The following CNTN6 variants were observed in gnomAD, a reference collection of about 807,000 sequenced individuals.
The protein encoded by CNTN6 is contactin-6.
CNTN6 carries 137 observed loss-of-function variants against 122.8 expected under a neutral mutation model. The ratio of observed to expected loss-of-function variants is 1.12; its 90% confidence interval spans 0.97 to 1.29. The LOEUF (loss-of-function observed/expected upper bound fraction) is 1.29. CNTN6 is among the 50% of genes most tolerant of loss of function. CNTN6 has a pLI of 0.00. For synonymous variants in CNTN6, 570 were observed against 426.0 expected (o/e 1.34, Z -4.16); for missense variants, 1,634 against 1,223.4 (o/e 1.34, Z -5.01).
At chr3:1,367,912 C>G (rs530057830) in intron 12 of CNTN6, among the ~76,000 whole-genome samples, 6 of 152,150 alleles carry the variant, frequency 3.9e-5, no homozygotes, top group African/African-American at 1.2e-4. Context: ...CTTGCCCATA[C>G]CTCGCCGGAG....
At chr3:1,365,290 C>T (rs563151438) in intron 12 of CNTN6, among the ~76,000 whole-genome samples, 2 of 152,096 alleles carry the variant, frequency 1.3e-5, no homozygotes, top group South Asian at 4.1e-4. Flanking sequence ...CAGAATGTAT[C>T]TTTAAAAGAT....
At chr3:1,278,027 T>C (rs1055787797) in intron 4 of CNTN6, among the ~76,000 whole-genome samples, 2 of 152,212 alleles carry the variant, frequency 1.3e-5, no homozygotes, top group Non-Finnish European at 2.9e-5. Context: ...CACTTTAAAA[T>C]GGCAACCATT....
At chr3:1,306,794 G>A in intron 7 of CNTN6, among the ~76,000 whole-genome samples, 1 of 152,022 alleles carries the variant, frequency 6.6e-6, no homozygotes. Flanking sequence ...TGACTGAGGA[G>A]GTAAAAAGGA....
chr3:1,251,473 A>T (rs2125668090), intron 4 of CNTN6, among the ~76,000 whole-genome samples: 1 of 152,158 alleles, frequency 6.6e-6, no homozygotes, highest in African/African-American at 2.4e-5. Context: ...TTAACTTTTA[A>T]CTCACTTGCT....
intron 7 of CNTN6, among the ~76,000 whole-genome samples, chr3:1,315,394 G>A (rs1238421518): frequency 1.3e-5 from 2 of 151,924 alleles, no homozygotes; most frequent in African/African-American, 4.8e-5. Context: ...GAATTAGAAG[G>A]TAGATCACAA....
In CNTN6 at chr3:1,400,095, C is replaced by G. The variant is rs78983939; in HGVS notation, c.2705-1338C>G. Among the ~76,000 whole-genome samples the G allele has an allele frequency of 5.9e-3, 905 of 152,144 alleles. 2 individuals are homozygous for G. Among genetic ancestry groups the G allele is most frequent in the Non-Finnish European group, 9.2e-3 (623 of 67,948 alleles). The stretch of plus-strand genomic sequence containing the variant: ...AGATTAAACAGCAGTTGACTCAAAA[C>G]TATGAAAGAAATAGTTTCCACTTCT... On this transcript the variant is annotated intron_variant, in intron 20 of 22. Coordinates refer to ENST00000446702, the MANE Select transcript of CNTN6 (RefSeq NM_001289080.2).
intron 12 of CNTN6, among the ~76,000 whole-genome samples, chr3:1,353,070 C>A (rs886215700): frequency 3.3e-5 from 5 of 151,686 alleles, no homozygotes; most frequent in Non-Finnish European, 7.4e-5. Flanking sequence ...AATGTTCCTA[C>A]ATTTATCACC....
chr3:1,264,039 A>G (rs2094889007), intron 4 of CNTN6, among the ~76,000 whole-genome samples: 1 of 152,068 alleles, frequency 6.6e-6, no homozygotes, highest in African/African-American at 2.4e-5. Context: ...AAAAACAGGA[A>G]AATAAAATGG....
intron 12 of CNTN6, among the ~76,000 whole-genome samples, chr3:1,365,980 A>C (rs906416137): frequency 6.6e-6 from 1 of 152,156 alleles, no homozygotes; most frequent in Non-Finnish European, 1.5e-5. Context: ...TCAAGTTTTA[A>C]AAACTAAGGG....
At chr3:1,237,020 G>C (rs377176591) in intron 4 of CNTN6, among the ~76,000 whole-genome samples, 1 of 151,926 alleles carries the variant, frequency 6.6e-6, no homozygotes. Context: ...GGCAGAGCTT[G>C]CAGTGAGCTG....
intron 7 of CNTN6, among the ~76,000 whole-genome samples, chr3:1,318,744 CCAGT>C (rs1235204600): frequency 2.6e-5 from 4 of 151,720 alleles, no homozygotes; most frequent in African/African-American, 9.7e-5. Context: ...ACCCTAGAAG[CCAGT>C]CATTTATTGG....
At chr3:1,293,832 C>T (rs574620671) in intron 5 of CNTN6, among the ~76,000 whole-genome samples, 1 of 152,294 alleles carries the variant, frequency 6.6e-6, no homozygotes, top group East Asian at 1.9e-4. Flanking sequence ...TAGTTCTACT[C>T]TACCTAGTTT....
chr3:1,119,909 A>G (rs1424242861), intron 1 of CNTN6, among the ~76,000 whole-genome samples: 1 of 152,106 alleles, frequency 6.6e-6, no homozygotes, highest in Non-Finnish European at 1.5e-5. Flanking sequence ...TCTTGCCTAC[A>G]ATGACTGATC....
rs200038869 is a variant in CNTN6 at position 1,329,838 on chromosome 3, G to A, written c.1267G>A (p.Val423Ile). 1.2e-6 allele frequency: 2 copies of A among 1,610,680 alleles called. No homozygotes were observed. Among genetic ancestry groups the A allele is most frequent in the Non-Finnish European group, 8.5e-7 (1 of 1,178,064 alleles). The part of the protein sequence containing the change: ...SPVKKKSFVQ[V>I]GGDIVIGCKP... Reference sequence around the variant, plus strand: ...AGTTAAAAAAAAGTCTTTTGTTCAAGTTGGTGGGGATATTGTTATCGGATG... The same window carrying A: ...AGTTAAAAAAAAGTCTTTTGTTCAAATTGGTGGGGATATTGTTATCGGATG... Residue 423 changes from valine to isoleucine, a missense_variant, in exon 11 of 23, where the codon GTT becomes ATT. Transcript: ENST00000446702.
chr3:1,257,746 G>A (rs555436094), intron 4 of CNTN6, among the ~76,000 whole-genome samples: 4 of 152,204 alleles, frequency 2.6e-5, no homozygotes, highest in South Asian at 2.1e-4. Flanking sequence ...TGGTGAGAGC[G>A]AGCTATTCTA....
intron 17 of CNTN6, among the ~76,000 whole-genome samples, chr3:1,378,553 T>C (rs565165466): frequency 2.2e-4 from 34 of 152,168 alleles, no homozygotes; most frequent in Non-Finnish European, 4.9e-4. Flanking sequence ...TGAACACTTG[T>C]TGAATGGAAG....
intron 1 of CNTN6, among the ~76,000 whole-genome samples, chr3:1,119,989 G>A (rs779876121): frequency 1.9e-4 from 29 of 151,860 alleles, no homozygotes; most frequent in Non-Finnish European, 3.1e-4. Context: ...CATGTAGTAC[G>A]GTGCTTTATG....
chr3:1,369,625 T>G (rs1708710388), intron 12 of CNTN6, among the ~76,000 whole-genome samples: 1 of 152,202 alleles, frequency 6.6e-6, no homozygotes, highest in Admixed American at 6.5e-5. Context: ...TGTGGTGTCA[T>G]AAATGGAAGG....
rs576264169 is a variant in CNTN6 at position 1,261,932 on chromosome 3, A to G, written c.359-16481A>G. 1.6e-4 allele frequency among the ~76,000 whole-genome samples: 25 copies of G among 152,268 alleles called. No individual in the cohort carries two copies. In the South Asian group the frequency reaches 4.8e-3, roughly 29 times the overall value. Reference sequence around the variant, plus strand: ...CCGTATACTTGGCCCTAGTATTTCTATGAGTAAATAGGTTAGTTTTTAGTT... The same window carrying G: ...CCGTATACTTGGCCCTAGTATTTCTGTGAGTAAATAGGTTAGTTTTTAGTT... On this transcript the variant is annotated intron_variant, in intron 4 of 22. Coordinates refer to ENST00000446702, the MANE Select transcript of CNTN6 (RefSeq NM_001289080.2).
Sources: allele counts gnomAD v4.1 joint callset (sites outside exome capture counted in the v4.1 genomes callset), GRCh38; gene constraint gnomAD v4.1.1; transcripts MANE v1.5; gene names NCBI Gene and HGNC (gene_info 2026-07-23, HGNC 2026-07-21).